TMEM238L: variants seen among roughly 807,000 people sequenced by gnomAD.
The protein encoded by TMEM238L is transmembrane protein 238 like.
At chr17:10,799,841 T>C (rs938381781) in intron 1 of TMEM238L, among the ~76,000 whole-genome samples, 7 of 152,148 alleles carry the variant, frequency 4.6e-5, no homozygotes, top group Non-Finnish European at 1.0e-4. Flanking sequence ...GCTGCTGGAC[T>C]CCTGTCCCCT....
chr17:10,795,212 T>C (rs759015380), exon 2 of TMEM238L: 18 of 152,278 alleles, frequency 1.2e-4, no homozygotes, highest in Admixed American at 3.3e-4. Context: ...GGTCATCAAA[T>C]GAAAGACACA....
chr17:10,799,081 C>T (rs547686466), intron 1 of TMEM238L, among the ~76,000 whole-genome samples: 7 of 152,360 alleles, frequency 4.6e-5, no homozygotes, highest in Admixed American at 2.0e-4. Flanking sequence ...TGGAGAACCA[C>T]GCAGGCTGTG....
intron 1 of TMEM238L, 22 bp downstream of exon 1, chr17:10,803,584 G>A (rs1299369510): frequency 2.5e-6 from 1 of 396,162 alleles, no homozygotes; most frequent in Non-Finnish European, 4.4e-6. Flanking sequence ...CACCCTGCCA[G>A]GTAGGTCTTG....
intron 1 of TMEM238L, among the ~76,000 whole-genome samples, chr17:10,799,678 G>A (rs1317132124): frequency 6.6e-6 from 1 of 152,248 alleles, no homozygotes; most frequent in African/African-American, 2.4e-5. Flanking sequence ...GCCAAAGGTC[G>A]TAGGCTGTAG....
chr17:10,797,772 C>T (rs903907626), intron 1 of TMEM238L: 1 of 152,202 alleles, frequency 6.6e-6, no homozygotes, highest in Non-Finnish European at 1.5e-5. Flanking sequence ...CCCTCCCCTC[C>T]GTGGCCATCA....
At chr17:10,796,550 G>C (rs1904552436) in intron 1 of TMEM238L, among the ~76,000 whole-genome samples, 1 of 152,162 alleles carries the variant, frequency 6.6e-6, no homozygotes, top group South Asian at 2.1e-4. Flanking sequence ...CCCATCTTCA[G>C]CCACCCGATA....
chr17:10,800,204 TTA>T (rs1904695307), intron 1 of TMEM238L, among the ~76,000 whole-genome samples: 1 of 152,178 alleles, frequency 6.6e-6, no homozygotes, highest in East Asian at 1.9e-4. Flanking sequence ...AGTGCTGGGA[TTA>T]CAGGCGTGAG....
intron 1 of TMEM238L, 29 bp from the exon 2 acceptor site, chr17:10,795,977 A>G (rs893523384): frequency 1.3e-5 from 2 of 152,228 alleles, no homozygotes; most frequent in African/African-American, 4.8e-5. Context: ...GATAAAATGG[A>G]TCAGCCCCCA....
At chr17:10,798,654 G>A (rs1384946386) in intron 1 of TMEM238L, among the ~76,000 whole-genome samples, 3 of 151,964 alleles carry the variant, frequency 2.0e-5, no homozygotes, top group Admixed American at 6.5e-5. Flanking sequence ...AGGTGTGAGT[G>A]TGTGGTGGGT....
intron 1 of TMEM238L, among the ~76,000 whole-genome samples, chr17:10,798,814 T>A (rs1039209388): frequency 6.6e-6 from 1 of 152,014 alleles, no homozygotes; most frequent in Admixed American, 6.6e-5. Flanking sequence ...TGTTTGGGTG[T>A]GTAGTCTTGG....
At chr17:10,800,024 C>T (rs1284581719) in intron 1 of TMEM238L, among the ~76,000 whole-genome samples, 7 of 152,122 alleles carry the variant, frequency 4.6e-5, no homozygotes, top group African/African-American at 1.4e-4. Flanking sequence ...CTCCGCCTCC[C>T]GGGTCCACGC....
chr17:10,796,244 T>C (rs1904539338), intron 1 of TMEM238L, among the ~76,000 whole-genome samples: 1 of 152,224 alleles, frequency 6.6e-6, no homozygotes, highest in South Asian at 2.1e-4. Context: ...CATCAAATCT[T>C]AGTTTCCTCT....
rs1597579820 is a variant in TMEM238L, at chr17:10,803,606, C to T, written c.*118G>A. ...CCAGGTAGGTCTTGTGTGCACTCACCTGGTCCCGGCGTGGCTTGCTAGGTG... is the reference window on the plus strand; with the variant it reads ...CCAGGTAGGTCTTGTGTGCACTCACTTGGTCCCGGCGTGGCTTGCTAGGTG... On this transcript the variant is annotated splice_region_variant and 3_prime_UTR_variant, in exon 1 of 2. Transcript: ENST00000581851. 7.6e-6 allele frequency: 3 copies of T among 397,184 alleles called. No homozygotes were observed. The East Asian group carries it at 1.1e-4, about 14-fold the overall frequency. 24.6% of individuals were successfully genotyped at this position (397,184 alleles called of 1,614,324 possible). A position where few individuals can be genotyped will look rare whatever the true frequency, so the allele number is the denominator to read the frequency against.
intron 1 of TMEM238L, among the ~76,000 whole-genome samples, chr17:10,799,954 C>T (rs1481759464): frequency 2.0e-5 from 3 of 147,640 alleles, no homozygotes; most frequent in Admixed American, 6.8e-5. Context: ...TTTTTTGAGA[C>T]GGAGTCTGGC....
intron 1 of TMEM238L, among the ~76,000 whole-genome samples, chr17:10,798,529 T>C: frequency 6.6e-6 from 1 of 152,150 alleles, no homozygotes; most frequent in East Asian, 1.9e-4. Context: ...AAAGTCGAAG[T>C]GGAGGAACAA....
rs150256782 is a variant in TMEM238L, at chr17:10,797,654, C to T, written c.*119-1706G>A. Among the ~76,000 whole-genome samples the T allele has an allele frequency of 3.1e-3, 476 of 152,264 alleles. 10 individuals carry two copies. The highest frequency in any genetic ancestry group is 0.029 in the Admixed American group (443 of 15,290). On this transcript the variant is annotated intron_variant, in intron 1 of 1. Transcript: ENST00000581851. ...AAACTCATGCCTTTTTCTGACCTCC[C>T]TCATTCCATGCCCCAGGGGCGCTTT...
At chr17:10,799,354 T>C (rs548243753) in intron 1 of TMEM238L, among the ~76,000 whole-genome samples, 1 of 152,164 alleles carries the variant, frequency 6.6e-6, no homozygotes, top group Non-Finnish European at 1.5e-5. Context: ...CATGCCACAA[T>C]GCCTGGCTAT....
chr17:10,798,258 T>C (rs1490229848), intron 1 of TMEM238L, among the ~76,000 whole-genome samples: 1 of 152,116 alleles, frequency 6.6e-6, no homozygotes, highest in African/African-American at 2.4e-5. Context: ...CTGGCAAGAC[T>C]GTGCTTATCT....
intron 1 of TMEM238L, among the ~76,000 whole-genome samples, chr17:10,801,947 A>G (rs1033959042): frequency 6.6e-6 from 1 of 151,996 alleles, no homozygotes; most frequent in African/African-American, 2.4e-5. Context: ...ATGCGTGGCT[A>G]ATTTTTTGTA....
Sources: gnomAD v4.1 joint callset for allele counts (sites outside exome capture counted in the v4.1 genomes callset) on GRCh38, gnomAD v4.1.1 for gene constraint, MANE v1.5 for transcripts, NCBI Gene and HGNC (gene_info 2026-07-23, HGNC 2026-07-21) for gene names.